LYSMD4: variants seen among roughly 807,000 people sequenced by gnomAD.
LYSMD4 encodes the protein lysM and putative peptidoglycan-binding domain-containing protein 4.
A neutral mutation model predicts 6.1 loss-of-function variants in LYSMD4; 9 were observed. The ratio of observed to expected loss-of-function variants is 1.47; its 90% CI spans 0.88 to 2.56. LYSMD4 has a LOEUF of 2.56. LYSMD4 is among the 30% of genes most tolerant of loss of function. The probability of loss-of-function intolerance (pLI) is 0.00; values close to 1 mark genes in which losing one functional copy is unlikely to be tolerated. For missense variants in LYSMD4, 384 were observed against 373.5 expected (o/e 1.03, Z -0.23); for synonymous variants, 143 against 148.5 (o/e 0.96, Z 0.27).
At position 99,731,905 on chromosome 15, in the gene LYSMD4, C is replaced by G; in HGVS notation, c.95G>C (p.Ser32Thr). ...TSHVYMFKNG[S>T]GDSGDSSEEE... ...TTCAGAAGAGTCCCCCGAGTCCCCA[C>G]TGCCATTCTTAAACATGTATACGTG... The change falls in exon 2 of 3, where the codon AGT becomes ACT. Residue 32 changes from serine (S) to threonine (T), a missense_variant. By Grantham distance (58) the Ser-to-Thr change is moderately conservative. Coordinates refer to ENST00000684762, the MANE Select transcript of LYSMD4 (RefSeq NM_001284417.2). The G allele has an allele frequency of 6.2e-7, 1 of 1,613,594 alleles. No homozygotes were observed. The highest frequency in any genetic ancestry group is 8.5e-7 in the Non-Finnish European group (1 of 1,180,028).
exon 1 of LYSMD4, chr15:99,716,865 C>T: frequency 2.8e-6 from 1 of 354,014 alleles, no homozygotes; most frequent in South Asian, 2.1e-5. Flanking sequence ...GGTATGTTAG[C>T]TATCATTAGA....
chr15:99,728,987 A>C lies in LYSMD4; in HGVS notation c.*136T>G. 1 of 1,230,324 alleles carries C rather than the reference A, an allele frequency of 8.1e-7. No individual in the cohort carries two copies. 76.2% of individuals were successfully genotyped at this position (1,230,324 alleles called of 1,614,324 possible). A position where few individuals can be genotyped will look rare whatever the true frequency, so the allele number is the denominator to read the frequency against. On this transcript the variant is annotated 3_prime_UTR_variant, in exon 3 of 3. Transcript: ENST00000684762. ...CATGCCCAGGGCCAGTGCAATTGGG[A>C]ATACTGCAGTGACTTCTGAAAAGTG...
downstream of LYSMD4, among the ~76,000 whole-genome samples, chr15:99,726,146 G>GTTTTT (rs10637642): frequency 7.8e-3 from 485 of 62,140 alleles, 28 homozygotes; most frequent in African/African-American, 0.019. Context: ...GTCTCAAGTG[G>GTTTTT]TTTTTTTTTT....
intron 2 of LYSMD4, chr15:99,731,425 C>A: frequency 1.2e-6 from 2 of 1,607,024 alleles, no homozygotes; most frequent in Non-Finnish European, 1.7e-6. Flanking sequence ...AAAATGTGCT[C>A]GAAAGAAGAA....
chr15:99,724,012 C>T (rs2059258048), downstream of LYSMD4, among the ~76,000 whole-genome samples: 1 of 150,984 alleles, frequency 6.6e-6, no homozygotes, highest in Non-Finnish European at 1.5e-5. Flanking sequence ...GCCAGGCCAC[C>T]AGACTATTCA....
chr15:99,724,586 T>C (rs2059262885), downstream of LYSMD4, among the ~76,000 whole-genome samples: 1 of 152,182 alleles, frequency 6.6e-6, no homozygotes, highest in Admixed American at 6.5e-5. Context: ...CATATCCCAT[T>C]AGGTTATAAG....
At chr15:99,721,640 G>T (rs1485694355), upstream of LYSMD4, among the ~76,000 whole-genome samples, 1 of 152,126 alleles carries the variant, frequency 6.6e-6, no homozygotes, top group African/African-American at 2.4e-5. Flanking sequence ...CCACTGACAG[G>T]CCTGCTCCCC....
At position 99,729,479 on chromosome 15, in the gene LYSMD4, G is replaced by C; in HGVS notation, c.535C>G (p.Arg179Gly). ...FFKGIDQDIE[R>G]AVQSEIFLHE... ...AGAAAGATTTCTGACTGCACTGCAC[G>C]CTCAATATCCTGGTCAATCCCCTTA... Residue 179 changes from arginine to glycine, a missense_variant, in exon 3 of 3, where the codon CGT (arginine) becomes GGT (glycine). Transcript: ENST00000684762. 1 of 1,614,098 alleles carries C rather than the reference G, an allele frequency of 6.2e-7. No individual in the cohort carries two copies. The highest frequency in any genetic ancestry group is 8.5e-7 in the Non-Finnish European group (1 of 1,180,020).
At chr15:99,731,348 G>A (rs778436642) in intron 2 of LYSMD4, 8 of 1,610,972 alleles carry the variant, frequency 5.0e-6, no homozygotes, top group Non-Finnish European at 6.8e-6. Context: ...AGCGAGAAAA[G>A]CAAGCATACC....
downstream of LYSMD4, chr15:99,727,395 G>A (rs1434718444): frequency 2.0e-5 from 3 of 152,164 alleles, no homozygotes; most frequent in African/African-American, 7.2e-5. Flanking sequence ...AAATAAAAAG[G>A]GGGAATCAAT....
At position 99,728,206 on chromosome 15, in the gene LYSMD4, AG is replaced by A. The variant is rs2059315331; in HGVS notation, c.*916del. 1 of 152,490 alleles carries A rather than the reference AG, an allele frequency of 6.6e-6. No homozygotes were observed. The allele number at this position is 152,490 out of a possible 1,614,324, so 9.4% of individuals were successfully genotyped here. A position where few individuals can be genotyped will look rare whatever the true frequency, so the allele number is the denominator to read the frequency against. ...CTCCGAAGAACTGAGCCAGGGAAGC[AG>A]CAGGGGGAGCGCCCTGTGTTAGGTG... is the stretch of plus-strand genomic sequence containing the variant. On this transcript the variant is annotated 3_prime_UTR_variant, in exon 3 of 3. Transcript: ENST00000684762.
exon 1 of LYSMD4, chr15:99,715,838 T>C (rs2059098141): frequency 6.6e-6 from 1 of 152,284 alleles, no homozygotes; most frequent in Non-Finnish European, 1.5e-5. Context: ...GTCACTGTTG[T>C]GTGTACACAG....
rs1028974037 is a variant in LYSMD4 at position 99,731,077 on chromosome 15, A to G, written c.282+641T>C. On this transcript the variant is annotated intron_variant, in intron 2 of 2. Transcript: ENST00000684762. ...AATTAAGTAGCTTATATACCCCTAG[A>G]GAAGGCCATACAAATCTGTAGCACA... 2.7e-5 allele frequency: 31 copies of G among 1,159,930 alleles called. No homozygotes were observed. In the African/African-American group the frequency reaches 4.6e-4, roughly 17 times the overall value. The allele number at this position is 1,159,930 out of a possible 1,614,324, so 71.9% of individuals were successfully genotyped here.
rs1386081534 is a variant in LYSMD4, at chr15:99,727,490, GAA to G, written c.*1631_*1632del. On this transcript the variant is annotated 3_prime_UTR_variant, in exon 3 of 3. Transcript: ENST00000684762. ...GTCTGACAAAAGTGATTTTGTCATG[GAA>G]CTCCAAGGCCTGCCTGGTGAAGTGA... 6.6e-6 allele frequency: 1 copy of G among 152,190 alleles called. No individual in the cohort carries two copies. Among genetic ancestry groups the G allele is most frequent in the East Asian group, 1.9e-4 (1 of 5,196 alleles). The allele number at this position is 152,190 out of a possible 1,614,324, so 9.4% of individuals were successfully genotyped here.
rs200150205 is a variant in LYSMD4, at chr15:99,729,590, C to T, written c.424G>A (p.Glu142Lys). The change falls in exon 3 of 3, where the codon GAG becomes AAG. Residue 142 changes from glutamate to lysine, a missense_variant. Glu to Lys is a moderately conservative substitution (Grantham distance 56, BLOSUM62 1). Transcript: ENST00000684762. The stretch of plus-strand genomic sequence containing the variant: ...GGCAGTTCCACGGTCACTGTGGTCT[C>T]GGAAGACGGGCTCAGAAGGGGTTTC... Reference protein sequence around the residue: ...ELKPLLSPSSETTVTVELPEA... With the variant: ...ELKPLLSPSSKTTVTVELPEA... The T allele has an allele frequency of 5.6e-5, 91 of 1,614,048 alleles. No homozygotes were observed. The highest frequency in any genetic ancestry group is 6.7e-5 in the African/African-American group (5 of 74,918).
chr15:99,733,152 A>AC (rs1428746439), intron 1 of LYSMD4, 193 bp downstream of exon 1: 2 of 371,576 alleles, frequency 5.4e-6, no homozygotes, highest in Non-Finnish European at 9.6e-6. Context: ...CTGACCTCTG[A>AC]CCCCCAACCC....
At position 99,728,915 on chromosome 15, in the gene LYSMD4, C is replaced by T. The variant is rs572426453; in HGVS notation, c.*208G>A. The T allele has an allele frequency of 3.4e-5, 22 of 648,914 alleles. No individual in the cohort carries two copies. The highest frequency in any genetic ancestry group is 4.3e-4 in the Middle Eastern group (1 of 2,322). 40.2% of individuals were successfully genotyped at this position (648,914 alleles called of 1,614,324 possible). A position where few individuals can be genotyped will look rare whatever the true frequency, so the allele number is the denominator to read the frequency against. ...TTGCTGCACCTCTCTGGATAGGGGC[C>T]GAGGTCGCTGCTGTTTTAGATCCTG... is the stretch of plus-strand genomic sequence containing the variant. On this transcript the variant is annotated 3_prime_UTR_variant, in exon 3 of 3. Transcript: ENST00000684762.
chr15:99,726,521 AG>A (rs2059284283), downstream of LYSMD4, among the ~76,000 whole-genome samples: 2 of 151,872 alleles, frequency 1.3e-5, no homozygotes, highest in African/African-American at 4.8e-5. Context: ...ACTGCAGCGC[AG>A]AAGGCCTTGC....
chr15:99,731,991 G>C lies in LYSMD4; in HGVS notation c.9C>G (p.His3Gln). ...GGAAGGTCTTGGTTAACAATTCCTC[G>C]TGCCTCATTTTCTTCACTGAAAATC... MR[H>Q]EELLTKTFQG... Residue 3 changes from histidine to glutamine, a missense_variant, in exon 2 of 3, where the codon CAC (histidine) becomes CAG (glutamine). By Grantham distance (24) the His-to-Gln change is conservative. Coordinates refer to ENST00000684762, the MANE Select transcript of LYSMD4 (RefSeq NM_001284417.2). 6.4e-7 allele frequency: 1 copy of C among 1,565,478 alleles called. No individual in the cohort carries two copies. Among genetic ancestry groups the C allele is most frequent in the Non-Finnish European group, 8.7e-7 (1 of 1,150,922 alleles).
Sources: allele counts gnomAD v4.1 joint callset (sites outside exome capture counted in the v4.1 genomes callset), GRCh38; gene constraint gnomAD v4.1.1; transcripts MANE v1.5; gene names NCBI Gene and HGNC (gene_info 2026-07-23, HGNC 2026-07-21).